The following TUBG1 variants were observed in gnomAD, a reference collection of about 807,000 sequenced individuals.
TUBG1 encodes the protein tubulin gamma-1 chain.
In TUBG1, 22 loss-of-function variants were observed where a neutral mutation model predicts 53.3. That is an observed-to-expected ratio of 0.41 (90% CI 0.29 to 0.59). The LOEUF is 0.59. Ranked by LOEUF, TUBG1 falls within the 20% of genes least tolerant of loss-of-function variation. The pLI, the probability that TUBG1 is intolerant of heterozygous loss-of-function variation, is 0.26. For synonymous variants in TUBG1, 198 were observed against 236.7 expected (o/e 0.84, Z 1.50); for missense variants, 217 against 598.9 (o/e 0.36, Z 6.66).
Position 42,614,750 on chromosome 17 carries a change from T to TG in TUBG1, c.1159-93dup. 6.2e-7 allele frequency: 1 copy of TG among 1,605,312 alleles called. No homozygotes were observed. Among genetic ancestry groups the TG allele is most frequent in the Non-Finnish European group, 8.5e-7 (1 of 1,174,706 alleles). Reference sequence around the variant, plus strand: ...CTGCTGGCCCTGCTTCTAGCTTTTTTGCTGTGGGCATAGCCCAGCCTTGGT... The same window carrying TG: ...CTGCTGGCCCTGCTTCTAGCTTTTTTGGCTGTGGGCATAGCCCAGCCTTGGT... On this transcript the variant is annotated intron_variant, in intron 10 of 10. Transcript: ENST00000251413. This position sits in a 1 kb window ranked among gnomAD's most constrained non-coding sequence, Gnocchi z 5.1.
At position 42,615,179 on chromosome 17, in the gene TUBG1, A is replaced by G. The variant is rs1299927064; in HGVS notation, c.*138A>G. 2.7e-6 allele frequency: 2 copies of G among 734,236 alleles called. No individual in the cohort carries two copies. Among genetic ancestry groups the G allele is most frequent in the Non-Finnish European group, 4.5e-6 (2 of 446,566 alleles). 45.5% of individuals were successfully genotyped at this position (734,236 alleles called of 1,614,324 possible). ...ATGGACTCTCTGTTGGCCTGCAAAC[A>G]CATTTACTTCTCCTCTTATGAGACT... On this transcript the variant is annotated 3_prime_UTR_variant, in exon 11 of 11. Transcript: ENST00000251413.
At chr17:42,610,702 G>T (rs895498367) in intron 3 of TUBG1, 112 bp downstream of exon 3, 4 of 1,498,818 alleles carry the variant, frequency 2.7e-6, no homozygotes, top group Admixed American at 3.9e-5. Flanking sequence ...TGGAGGGAGA[G>T]ACCTGGCTGC....
rs747663539 is a variant in TUBG1, at chr17:42,612,942, A to G, written c.480-5A>G. The G allele has an allele frequency of 1.2e-6, 2 of 1,613,724 alleles. No individual in the cohort carries two copies. The highest frequency in any genetic ancestry group is 3.3e-5 in the Admixed American group (2 of 59,974). On this transcript the variant is annotated splice_polypyrimidine_tract_variant and splice_region_variant and intron_variant, in intron 5 of 10. Coordinates refer to ENST00000251413, the MANE Select transcript of TUBG1 (RefSeq NM_001070.5). ...TGCCCTGATCCTTTCCCCAACCCCC[A>G]CCAGGTATCCTAAGAAGCTGGTGCA... is the stretch of plus-strand genomic sequence containing the variant.
intron 3 of TUBG1, 86 bp downstream of exon 3, chr17:42,610,676 A>G (rs747382543): frequency 1.9e-6 from 3 of 1,585,516 alleles, no homozygotes; most frequent in Non-Finnish European, 2.6e-6. Context: ...AAACCGGATC[A>G]GGGATGTATG....
chr17:42,610,409 A>G lies in TUBG1; in HGVS notation c.163-14A>G. The G allele has an allele frequency of 6.3e-7, 1 of 1,577,024 alleles. No individual in the cohort carries two copies. The highest frequency in any genetic ancestry group is 8.6e-7 in the Non-Finnish European group (1 of 1,156,432). Reference sequence around the variant, plus strand: ...CCTAGCTGATTGGGCCCCCTCCTGGACTCCCCTTGACAGGCAGACGATGAG... The same window carrying G: ...CCTAGCTGATTGGGCCCCCTCCTGGGCTCCCCTTGACAGGCAGACGATGAG... On this transcript the variant is annotated splice_polypyrimidine_tract_variant and intron_variant, in intron 2 of 10. Transcript: ENST00000251413.
intron 4 of TUBG1, 101 bp downstream of exon 4, chr17:42,612,244 T>C: frequency 7.3e-7 from 1 of 1,366,032 alleles, no homozygotes; most frequent in Non-Finnish European, 1.0e-6. Flanking sequence ...ATGTACCCTT[T>C]GCACTGGACA....
In TUBG1 at chr17:42,614,919, G is replaced by A; in HGVS notation, c.1234G>A (p.Asp412Asn). 2 of 1,614,254 alleles carry A rather than the reference G, an allele frequency of 1.2e-6. No homozygotes were observed. The highest frequency in any genetic ancestry group is 1.7e-6 in the Non-Finnish European group (2 of 1,180,046). ...CTTCCTGGAGCAGTTCCGCAAGGAG[G>A]ACATGTTCAAGGACAACTTTGATGA... is the stretch of plus-strand genomic sequence containing the variant. ...EAFLEQFRKE[D>N]MFKDNFDEMD... Residue 412 changes from aspartate (D) to asparagine (N), a missense_variant, in exon 11 of 11, where the codon GAC (aspartate) becomes AAC (asparagine). This residue lies in a region of TUBG1 where 135 missense variants were observed against 371.2 expected (regional missense o/e 0.36). Coordinates refer to ENST00000251413, the MANE Select transcript of TUBG1 (RefSeq NM_001070.5). The surrounding 1 kb of genome is among the most constrained non-coding windows in gnomAD (Gnocchi z 5.1).
Position 42,614,774 on chromosome 17 carries a change from G to C in TUBG1, c.1159-70G>C, listed in dbSNP as rs2052063850. On this transcript the variant is annotated intron_variant, in intron 10 of 10. Coordinates refer to ENST00000251413, the MANE Select transcript of TUBG1 (RefSeq NM_001070.5). This position sits in a 1 kb window ranked among gnomAD's most constrained non-coding sequence, Gnocchi z 5.1. ...TTGCTGTGGGCATAGCCCAGCCTTG[G>C]TTCCCCAGCTTTCTGGGCCACGTTA... 6.2e-7 allele frequency: 1 copy of C among 1,610,268 alleles called. No homozygotes were observed. Among genetic ancestry groups the C allele is most frequent in the Non-Finnish European group, 8.5e-7 (1 of 1,177,626 alleles).
rs1004251331 is a variant in TUBG1 at position 42,613,832 on chromosome 17, G to A, written c.694-17G>A. The A allele has an allele frequency of 1.2e-6, 2 of 1,614,118 alleles. No homozygotes were observed. Among genetic ancestry groups the A allele is most frequent in the Middle Eastern group, 1.6e-4 (1 of 6,062 alleles). On this transcript the variant is annotated splice_polypyrimidine_tract_variant and intron_variant, in intron 7 of 10. Coordinates refer to ENST00000251413, the MANE Select transcript of TUBG1 (RefSeq NM_001070.5). ...CCACCCAGGCTGAGGCCCATAACAT[G>A]GCACGCCTGTCCCCAGGTGTCTACC...
In TUBG1 at chr17:42,613,879, A is replaced by G; in HGVS notation, c.724A>G (p.Thr242Ala). ...TACCATCATGTCAGCCAGCACCACC[A>G]CCCTGCGCTACCCTGGCTACATGAA... ...VSTIMSASTT[T>A]LRYPGYMNND... is the part of the protein sequence containing the mutation. The change falls in exon 8 of 11, where the codon ACC becomes GCC. Residue 242 changes from threonine (T) to alanine (A), a missense_variant. By Grantham distance (58) the Thr-to-Ala change is moderately conservative. Around this residue, in one of 4 missense-constraint regions of TUBG1, gnomAD observed 135 missense variants for 371.2 expected, o/e 0.36. Transcript: ENST00000251413. 1 of 1,613,974 alleles carries G rather than the reference A, an allele frequency of 6.2e-7. No homozygotes were observed. Among genetic ancestry groups the G allele is most frequent in the Non-Finnish European group, 8.5e-7 (1 of 1,179,986 alleles).
rs776355822 is a variant in TUBG1, at chr17:42,610,601, A to G, written c.330+11A>G. The G allele has an allele frequency of 5.0e-6, 8 of 1,614,042 alleles. No individual in the cohort carries two copies. Among genetic ancestry groups the G allele is most frequent in the East Asian group, 2.2e-5 (1 of 44,896 alleles). On this transcript the variant is annotated intron_variant, in intron 3 of 10. Coordinates refer to ENST00000251413, the MANE Select transcript of TUBG1 (RefSeq NM_001070.5). ...AGCGGATTCTCCCAGGTCGTTTCCT[A>G]TTCCCTGGCAGGGCCCACAACTCGC...
chr17:42,610,483 C>T lies in TUBG1; in HGVS notation c.223C>T (p.His75Tyr), dbSNP rs780237799. ...VLLDLEPRVI[H>Y]SILNSPYAKL... ...GCTGGACTTGGAACCCCGGGTGATC[C>T]ACTCCATCCTCAACTCCCCCTATGC... The change falls in exon 3 of 11, where the codon CAC becomes TAC. Residue 75 changes from histidine (H) to tyrosine (Y), a missense_variant. His to Tyr is a moderately conservative substitution (Grantham distance 83). This residue lies in a region of TUBG1 where 57 missense variants were observed against 169.3 expected (regional missense o/e 0.34). Coordinates refer to ENST00000251413, the MANE Select transcript of TUBG1 (RefSeq NM_001070.5). 1.9e-6 allele frequency: 3 copies of T among 1,613,010 alleles called. No homozygotes were observed. Among genetic ancestry groups the T allele is most frequent in the Admixed American group, 3.3e-5 (2 of 60,002 alleles).
In TUBG1 at chr17:42,614,412, G is replaced by C; in HGVS notation, c.996G>C (p.Gln332His). Residue 332 changes from glutamine (Q) to histidine (H), a missense_variant and splice_region_variant, in exon 9 of 11, where the codon CAG becomes CAC. Gln to His is a conservative substitution (Grantham distance 24, BLOSUM62 0). This residue lies in a region of TUBG1 where 135 missense variants were observed against 371.2 expected (regional missense o/e 0.36). Transcript: ENST00000251413. This position sits in a 1 kb window ranked among gnomAD's most constrained non-coding sequence, Gnocchi z 5.1. Reference sequence around the variant, plus strand: ...TCCAGGGAGAGGTGGACCCCACCCAGGTAGGGGAGGCCCCTTCATCCCACA... The same window carrying C: ...TCCAGGGAGAGGTGGACCCCACCCACGTAGGGGAGGCCCCTTCATCCCACA... The part of the protein sequence containing the change: ...NIIQGEVDPT[Q>H]VHKSLQRIRE... 1 of 1,614,032 alleles carries C rather than the reference G, an allele frequency of 6.2e-7. No individual in the cohort carries two copies. Among genetic ancestry groups the C allele is most frequent in the Non-Finnish European group, 8.5e-7 (1 of 1,179,934 alleles).
Position 42,611,959 on chromosome 17 carries a change from G to C in TUBG1, c.331-116G>C, listed in dbSNP as rs540664476. On this transcript the variant is annotated intron_variant, in intron 3 of 10. Transcript: ENST00000251413. ...CTCTCAATGTAGATAAAAGCAGGTA[G>C]CTATGCTCCATAAAAGGACTTCTGG... 5.8e-5 allele frequency: 49 copies of C among 849,284 alleles called. No homozygotes were observed. In the African/African-American group the frequency reaches 7.8e-4, roughly 13 times the overall value. 52.6% of individuals were successfully genotyped at this position (849,284 alleles called of 1,614,324 possible).
Position 42,610,502 on chromosome 17 carries a change from C to G in TUBG1, c.242C>G (p.Pro81Arg). The G allele has an allele frequency of 3.7e-6, 6 of 1,613,990 alleles. No homozygotes were observed. Among genetic ancestry groups the G allele is most frequent in the Admixed American group, 1.7e-5 (1 of 60,006 alleles). ...PRVIHSILNS[P>R]YAKLYNPENI... Reference sequence around the variant, plus strand: ...GTGATCCACTCCATCCTCAACTCCCCCTATGCCAAGCTCTACAACCCAGAG... The same window carrying G: ...GTGATCCACTCCATCCTCAACTCCCGCTATGCCAAGCTCTACAACCCAGAG... The change falls in exon 3 of 11, where the codon CCC becomes CGC. Residue 81 changes from proline (P) to arginine (R), a missense_variant. By Grantham distance (103) the Pro-to-Arg change is moderately radical (BLOSUM62 -2). This residue lies in a region of TUBG1 where 57 missense variants were observed against 169.3 expected (regional missense o/e 0.34). Coordinates refer to ENST00000251413, the MANE Select transcript of TUBG1 (RefSeq NM_001070.5).
At chr17:42,611,197 C>G (rs538029673) in intron 3 of TUBG1, 1 of 152,376 alleles carries the variant, frequency 6.6e-6, no homozygotes, top group Non-Finnish European at 1.5e-5. Flanking sequence ...GTCTTGATCT[C>G]CTGACCTCGT....
intron 5 of TUBG1, 96 bp downstream of exon 5, chr17:42,612,602 G>T (rs1306052658): frequency 2.2e-5 from 27 of 1,213,034 alleles, no homozygotes; most frequent in Non-Finnish European, 3.3e-5. Context: ...GCTGGAACAG[G>T]AAAGAGTTCT....
chr17:42,611,306 C>T (rs1208010209), intron 3 of TUBG1: 1 of 152,048 alleles, frequency 6.6e-6, no homozygotes, highest in East Asian at 1.9e-4. Flanking sequence ...ATTAGTGATG[C>T]CTTTTATTAC....
chr17:42,613,815 G>C (rs2052054705), intron 7 of TUBG1, 34 bp from the exon 8 acceptor site: 1 of 1,614,086 alleles, frequency 6.2e-7, no homozygotes, highest in East Asian at 2.2e-5. Flanking sequence ...TCCCACCCAG[G>C]CTGAGGCCCA....
Sources: allele counts gnomAD v4.1 joint callset, GRCh38; gene constraint gnomAD v4.1.1; regional missense constraint gnomAD v4.1.1; non-coding constraint Gnocchi (gnomAD v3.1); transcripts MANE v1.5; gene names NCBI Gene and HGNC (gene_info 2026-07-23, HGNC 2026-07-21).